The following SCN8A variants were observed in gnomAD, a reference collection of about 807,000 sequenced individuals.
The protein encoded by SCN8A is sodium voltage-gated channel alpha subunit 8, also known as sodium channel protein type 8 subunit alpha.
SCN8A carries 30 observed loss-of-function variants against 184.1 expected under a neutral mutation model. That is an observed-to-expected ratio of 0.16 (90% CI 0.12 to 0.22). SCN8A has a LOEUF of 0.22. Among genes scored for constraint, SCN8A ranks in the 10% least tolerant of loss-of-function variants. SCN8A has a pLI of 1.00. For missense variants in SCN8A, 1,057 were observed against 2,498.9 expected (o/e 0.42, Z 12.30); for synonymous variants, 852 against 907.0 (o/e 0.94, Z 1.09).
intron 1 of SCN8A, among the ~76,000 whole-genome samples, chr12:51,601,091 A>G (rs1051252411): frequency 6.6e-6 from 1 of 152,224 alleles, no homozygotes; most frequent in African/African-American, 2.4e-5. Flanking sequence ...TTGAATGCTC[A>G]AAGTAACAGT....
intron 11 of SCN8A, among the ~76,000 whole-genome samples, chr12:51,720,663 C>T (rs1942038144): frequency 6.6e-6 from 1 of 151,738 alleles, no homozygotes; most frequent in African/African-American, 2.4e-5. Context: ...TGGGAGGGGG[C>T]ATATATAATT....
At chr12:51,708,031 C>T (rs1303756550) in intron 11 of SCN8A, among the ~76,000 whole-genome samples, 1 of 152,176 alleles carries the variant, frequency 6.6e-6, no homozygotes, top group Non-Finnish European at 1.5e-5. Flanking sequence ...CAACCCTAGA[C>T]TATGTGATCA....
rs757746283 is a variant in SCN8A at position 51,723,805 on chromosome 12, G to A, written c.1998+1897G>A. ...GGAGGTTGCAGTGAGCCAAGATTGCGCCACTGCACTCCAGCCTGGGCAACA... is the reference window on the plus strand; with the variant it reads ...GGAGGTTGCAGTGAGCCAAGATTGCACCACTGCACTCCAGCCTGGGCAACA... On this transcript the variant is annotated intron_variant, in intron 12 of 26. Transcript: ENST00000627620. 9.9e-5 allele frequency among the ~76,000 whole-genome samples: 15 copies of A among 151,850 alleles called. No homozygotes were observed. The South Asian group carries it at 1.2e-3, about 13-fold the overall frequency.
intron 12 of SCN8A, among the ~76,000 whole-genome samples, chr12:51,723,369 A>G (rs901347668): frequency 6.6e-6 from 1 of 152,170 alleles, no homozygotes; most frequent in African/African-American, 2.4e-5. Context: ...ATGTGCCTCT[A>G]TAGTCCCAGC....
chr12:51,767,827 C>T (rs1210428824), intron 16 of SCN8A, among the ~76,000 whole-genome samples: 2 of 152,224 alleles, frequency 1.3e-5, no homozygotes, highest in African/African-American at 4.8e-5. Flanking sequence ...TGCCCTTCCC[C>T]TCTGTATGTA....
At chr12:51,756,063 C>T (rs1419152901) in intron 14 of SCN8A, among the ~76,000 whole-genome samples, 1 of 152,070 alleles carries the variant, frequency 6.6e-6, no homozygotes, top group Non-Finnish European at 1.5e-5. Context: ...CCTGCTTAGA[C>T]CCCGATGCCT....
At chr12:51,799,150 C>A (rs1026297957) in intron 26 of SCN8A, among the ~76,000 whole-genome samples, 2 of 152,202 alleles carry the variant, frequency 1.3e-5, no homozygotes, top group African/African-American at 4.8e-5. Context: ...AGCGAACTCC[C>A]CATGAGGCCA....
At chr12:51,729,408 G>A (rs1942206138) in intron 12 of SCN8A, among the ~76,000 whole-genome samples, 1 of 151,974 alleles carries the variant, frequency 6.6e-6, no homozygotes, top group African/African-American at 2.4e-5. Flanking sequence ...TCTTTTGTAT[G>A]TGTAGACTCA....
At position 51,810,137 on chromosome 12, in the gene SCN8A, C is replaced by T. The variant is rs1938842531; in HGVS notation, c.*2708C>T. On this transcript the variant is annotated 3_prime_UTR_variant, in exon 27 of 27. Transcript: ENST00000627620. ...ATCTAACCGTTTCCCTCCGCTAGCT[C>T]CTGACCCCAGCCCAGCAGGCTGTCT... is the stretch of plus-strand genomic sequence containing the variant. 1 of 200,764 alleles carries T rather than the reference C, an allele frequency of 5.0e-6. No homozygotes were observed. Among genetic ancestry groups the T allele is most frequent in the Non-Finnish European group, 1.0e-5 (1 of 95,308 alleles). 12.4% of individuals were successfully genotyped at this position (200,764 alleles called of 1,614,324 possible).
intron 14 of SCN8A, among the ~76,000 whole-genome samples, chr12:51,761,592 T>C (rs1010060370): frequency 2.0e-5 from 3 of 151,898 alleles, no homozygotes; most frequent in African/African-American, 7.3e-5. Context: ...CGGGCTCAAG[T>C]GATTCTCTCA....
intron 1 of SCN8A, among the ~76,000 whole-genome samples, chr12:51,621,318 T>G (rs1239652451): frequency 6.6e-6 from 1 of 152,228 alleles, no homozygotes; most frequent in African/African-American, 2.4e-5. Context: ...CCCTCTTGAA[T>G]GCTATTTCCT....
At chr12:51,687,494 G>A (rs145902303) in intron 5 of SCN8A, among the ~76,000 whole-genome samples, 9 of 152,218 alleles carry the variant, frequency 5.9e-5, no homozygotes, top group Non-Finnish European at 1.2e-4. Flanking sequence ...GCACTCTCTC[G>A]TATTTTATTC....
intron 1 of SCN8A, among the ~76,000 whole-genome samples, chr12:51,607,004 TCTC>T (rs1205888267): frequency 3.3e-5 from 5 of 151,890 alleles, no homozygotes; most frequent in Non-Finnish European, 7.4e-5. Flanking sequence ...CTCAAGCAAT[TCTC>T]CTGCCTCAGC....
chr12:51,679,155 C>T (rs934062121), intron 2 of SCN8A, among the ~76,000 whole-genome samples: 2 of 152,076 alleles, frequency 1.3e-5, no homozygotes, highest in Non-Finnish European at 2.9e-5. Flanking sequence ...ATAATCCCAG[C>T]ACTTTGGGAG....
chr12:51,798,789 T>TCACAGTTTTTGACCA (rs1938480369), intron 26 of SCN8A, among the ~76,000 whole-genome samples: 2 of 152,198 alleles, frequency 1.3e-5, no homozygotes, highest in Non-Finnish European at 2.9e-5. Context: ...ACAAATATCT[T>TCACAGTTTTTGACCA]CACAGTTTTT....
At chr12:51,772,958 T>C (rs1348813967) in intron 19 of SCN8A, among the ~76,000 whole-genome samples, 10 of 151,474 alleles carry the variant, frequency 6.6e-5, no homozygotes, top group Non-Finnish European at 1.5e-4. Context: ...CTACTGAAAA[T>C]ACAAAAAAAT....
At chr12:51,670,898 G>A (rs1203274060) in intron 2 of SCN8A, among the ~76,000 whole-genome samples, 3 of 152,096 alleles carry the variant, frequency 2.0e-5, no homozygotes, top group Non-Finnish European at 4.4e-5. Context: ...GTGCCCTTGG[G>A]AACAAAACAG....
At chr12:51,804,112 C>T (rs1443229139) in intron 26 of SCN8A, among the ~76,000 whole-genome samples, 1 of 152,174 alleles carries the variant, frequency 6.6e-6, no homozygotes, top group Non-Finnish European at 1.5e-5. Flanking sequence ...TGTCATTTCC[C>T]AGACTTTTCA....
intron 6 of SCN8A, among the ~76,000 whole-genome samples, chr12:51,697,940 C>T (rs145467405): frequency 2.0e-5 from 3 of 152,322 alleles, no homozygotes; most frequent in South Asian, 2.1e-4. Context: ...CCTCCACCCC[C>T]GCACCGGGTT....
Sources: allele counts gnomAD v4.1 joint callset (sites outside exome capture counted in the v4.1 genomes callset), GRCh38; gene constraint gnomAD v4.1.1; transcripts MANE v1.5; gene names NCBI Gene and HGNC (gene_info 2026-07-23, HGNC 2026-07-21).